ACBD4: variants seen among roughly 807,000 people sequenced by gnomAD.
ACBD4 encodes the protein acyl-CoA-binding domain-containing protein 4.
A neutral mutation model predicts 46.0 loss-of-function variants in ACBD4; 41 were observed. The observed-to-expected ratio is 0.89, with a 90% CI of 0.69 to 1.16. ACBD4 has a LOEUF of 1.16. Ranked by LOEUF, ACBD4 falls within the 50% of genes most tolerant of loss-of-function variation. The probability of loss-of-function intolerance (pLI) is 0.00; values close to 1 mark genes in which losing one functional copy is unlikely to be tolerated. For synonymous variants in ACBD4, 162 were observed against 155.9 expected (o/e 1.04, Z -0.29); for missense variants, 393 against 399.5 (o/e 0.98, Z 0.14).
upstream of ACBD4, among the ~76,000 whole-genome samples, chr17:45,134,641 G>T (rs1598058628): frequency 6.6e-6 from 1 of 152,160 alleles, no homozygotes; most frequent in African/African-American, 2.4e-5. Flanking sequence ...GCTGGGCGTG[G>T]TGGCGAGCGC....
rs1366573140 is a variant in ACBD4 at position 45,143,515 on chromosome 17, C to A, written c.862C>A (p.Leu288Met). The change falls in exon 10 of 10, where the codon CTG becomes ATG. Residue 288 changes from leucine (L) to methionine (M), a missense_variant. By Grantham distance (15) the Leu-to-Met change is conservative. Transcript: ENST00000321854. Reference protein sequence around the residue: ...LPGPALLFFLLWPFVVQWLFR... With the variant: ...LPGPALLFFLMWPFVVQWLFR... ...GGGGCCCGCGCTGCTCTTCTTCCTCCTGTGGCCCTTCGTCGTCCAGTGGCT... is the reference window on the plus strand; with the variant it reads ...GGGGCCCGCGCTGCTCTTCTTCCTCATGTGGCCCTTCGTCGTCCAGTGGCT... The A allele has an allele frequency of 6.2e-7, 1 of 1,613,896 alleles. No homozygotes were observed. Among genetic ancestry groups the A allele is most frequent in the African/African-American group, 1.3e-5 (1 of 74,942 alleles).
At chr17:45,141,529 T>C (rs1015365980) in intron 9 of ACBD4, among the ~76,000 whole-genome samples, 2 of 151,904 alleles carry the variant, frequency 1.3e-5, no homozygotes, top group African/African-American at 4.8e-5. Context: ...CTCCACAAAA[T>C]ATATGTTTAA....
At position 45,135,957 on chromosome 17, in the gene ACBD4, G is replaced by A; in HGVS notation, c.-38+4G>A. On this transcript the variant is annotated splice_donor_region_variant and intron_variant, in intron 1 of 9. Coordinates refer to ENST00000321854, the MANE Select transcript of ACBD4 (RefSeq NM_001135705.3). The stretch of plus-strand genomic sequence containing the variant: ...GACCCCACCACACTGCCTTGAGGTA[G>A]GAAAAGGAGGCTCCTCAACCACAAC... 1.7e-6 allele frequency: 1 copy of A among 603,426 alleles called. No individual in the cohort carries two copies. The allele number at this position is 603,426 out of a possible 1,614,324, so 37.4% of individuals were successfully genotyped here. A position where few individuals can be genotyped will look rare whatever the true frequency, so the allele number is the denominator to read the frequency against.
At position 45,137,125 on chromosome 17, in the gene ACBD4, T is replaced by C. The variant is rs1452224246; in HGVS notation, c.401T>C (p.Leu134Pro). ...PDMPRPPETF[L>P]RRVTGWKEQV... ...ATGCCGAGGCCCCCAGAGACCTTCC[T>C]GAGAAGGGTCACAGGTCAGACTCCC... The change falls in exon 5 of 10, where the codon CTG (leucine) becomes CCG (proline). Residue 134 changes from leucine (L) to proline (P), a missense_variant. Leu to Pro is a moderately conservative substitution (Grantham distance 98, BLOSUM62 -3). Around this residue, in one of 3 missense-constraint regions of ACBD4, gnomAD observed 308 missense variants for 301.8 expected, o/e 1.02. Coordinates refer to ENST00000321854, the MANE Select transcript of ACBD4 (RefSeq NM_001135705.3). 2 of 1,613,964 alleles carry C rather than the reference T, an allele frequency of 1.2e-6. No homozygotes were observed. Among genetic ancestry groups the C allele is most frequent in the African/African-American group, 1.3e-5 (1 of 74,906 alleles).
intron 9 of ACBD4, among the ~76,000 whole-genome samples, chr17:45,142,398 A>C: frequency 6.8e-6 from 1 of 146,384 alleles, no homozygotes; most frequent in Non-Finnish European, 1.5e-5. Flanking sequence ...TCAAAAAAAA[A>C]AAAAAAAAAA....
chr17:45,136,065 G>C (rs2054803423), intron 1 of ACBD4, 43 bp from the exon 2 acceptor site: 12 of 1,457,952 alleles, frequency 8.2e-6, no homozygotes, highest in Non-Finnish European at 1.0e-5. Flanking sequence ...ATGGTGCCGG[G>C]GGGACCCTGG....
Position 45,138,598 on chromosome 17 carries a change from C to G in ACBD4, c.650-423C>G, listed in dbSNP as rs182336018. Reference sequence around the variant, plus strand: ...CTGAGGTCAGGAGTTTGAGACCAGCCTGGCCAACATGGTGAAACCCTGTCT... The same window carrying G: ...CTGAGGTCAGGAGTTTGAGACCAGCGTGGCCAACATGGTGAAACCCTGTCT... On this transcript the variant is annotated intron_variant, in intron 8 of 9. Transcript: ENST00000321854. 1,180 of 198,412 alleles carry G rather than the reference C, an allele frequency of 5.9e-3. 4 individuals carry two copies. Among genetic ancestry groups the G allele is most frequent in the Non-Finnish European group, 9.7e-3 (920 of 94,894 alleles). 12.3% of individuals were successfully genotyped at this position (198,412 alleles called of 1,614,324 possible). A position where few individuals can be genotyped will look rare whatever the true frequency, so the allele number is the denominator to read the frequency against.
At chr17:45,142,213 T>C (rs1355068704) in intron 9 of ACBD4, among the ~76,000 whole-genome samples, 3 of 151,698 alleles carry the variant, frequency 2.0e-5, no homozygotes, top group Non-Finnish European at 4.4e-5. Context: ...ACCAACATGG[T>C]GAAACCCTGT....
intron 8 of ACBD4, chr17:45,138,238 G>C: frequency 1.7e-6 from 1 of 580,198 alleles, no homozygotes; most frequent in Non-Finnish European, 3.1e-6. Context: ...AGTAAGGCCA[G>C]CGGGATGGGA....
rs1417423314 is a variant in ACBD4, at chr17:45,143,729, A to C, written c.*158A>C. ...CAGCGCGGGGGGCAAATAAGACCCC[A>C]CCCCTCCCTGCAGCTTCACAGGGAC... On this transcript the variant is annotated 3_prime_UTR_variant, in exon 10 of 10. Coordinates refer to ENST00000321854, the MANE Select transcript of ACBD4 (RefSeq NM_001135705.3). 1.6e-6 allele frequency: 2 copies of C among 1,229,444 alleles called. No individual in the cohort carries two copies. Among genetic ancestry groups the C allele is most frequent in the Non-Finnish European group, 2.3e-6 (2 of 879,240 alleles). The allele number at this position is 1,229,444 out of a possible 1,614,324, so 76.2% of individuals were successfully genotyped here.
At chr17:45,131,717 GT>G (rs760218500), upstream of ACBD4, among the ~76,000 whole-genome samples, 5 of 152,218 alleles carry the variant, frequency 3.3e-5, no homozygotes, top group Non-Finnish European at 7.3e-5. Flanking sequence ...CAAATCTGAG[GT>G]GAGAGCCTTG....
At chr17:45,132,274 G>A (rs759569014), upstream of ACBD4, 12 of 1,275,012 alleles carry the variant, frequency 9.4e-6, no homozygotes, top group African/African-American at 1.4e-4. This position sits in a 1 kb window ranked among gnomAD's most constrained non-coding sequence, Gnocchi z 4.6. Flanking sequence ...CCGCAGCCCG[G>A]GCCTCTTGGT....
upstream of ACBD4, chr17:45,133,129 G>T (rs1055008878): frequency 1.3e-5 from 2 of 152,320 alleles, no homozygotes; most frequent in African/African-American, 4.8e-5. Context: ...ACTGGTTCTG[G>T]GTTCGAGGCT....
At chr17:45,138,321 T>C in intron 8 of ACBD4, 2 of 438,922 alleles carry the variant, frequency 4.6e-6, no homozygotes, top group Non-Finnish European at 8.3e-6. Context: ...ACTCCCCCGT[T>C]TGGAAATCTC....
upstream of ACBD4, among the ~76,000 whole-genome samples, chr17:45,131,986 C>T (rs575619959): frequency 6.6e-6 from 1 of 152,314 alleles, no homozygotes; most frequent in African/African-American, 2.4e-5. Context: ...ACCAGCGCCC[C>T]GTGCCCGAAT....
intron 9 of ACBD4, among the ~76,000 whole-genome samples, chr17:45,140,347 T>C (rs2055192110): frequency 6.6e-6 from 1 of 150,934 alleles, no homozygotes; most frequent in South Asian, 2.1e-4. Flanking sequence ...CATGCCCAGA[T>C]ACTTTTTGTA....
chr17:45,132,121 C>T (rs1298273393), upstream of ACBD4: 3 of 1,054,316 alleles, frequency 2.8e-6, no homozygotes, highest in East Asian at 6.5e-5. The surrounding 1 kb of genome is among the most constrained non-coding windows in gnomAD (Gnocchi z 4.6). Context: ...GCTGGCCCTC[C>T]GCCCCTAGCC....
chr17:45,136,046 C>T, intron 1 of ACBD4, 62 bp from the exon 2 acceptor site: 2 of 1,283,962 alleles, frequency 1.6e-6, no homozygotes, highest in Non-Finnish European at 2.2e-6. Context: ...GGAAGTGAAT[C>T]CTTGGCTTAT....
In ACBD4 at chr17:45,136,480, C is replaced by T. The variant is rs2054842589; in HGVS notation, c.89-20C>T. On this transcript the variant is annotated intron_variant, in intron 2 of 9. Transcript: ENST00000321854. ...AGCTGGGAGTGATGCTTTGCCCTGG[C>T]TTCCCAACTCTCTGCCCAGGTTCTT... 2.5e-6 allele frequency: 4 copies of T among 1,606,588 alleles called. No individual in the cohort carries two copies. Among genetic ancestry groups the T allele is most frequent in the South Asian group, 1.1e-5 (1 of 90,262 alleles).
Sources: gnomAD v4.1 joint callset for allele counts (sites outside exome capture counted in the v4.1 genomes callset) on GRCh38, gnomAD v4.1.1 for gene constraint, gnomAD v4.1.1 regional missense constraint, Gnocchi (gnomAD v3.1) non-coding constraint, MANE v1.5 for transcripts, NCBI Gene and HGNC (gene_info 2026-07-23, HGNC 2026-07-21) for gene names.